Variants in USP47 observed in about 807,000 individuals in gnomAD.
USP47 encodes the protein ubiquitin carboxyl-terminal hydrolase 47.
In USP47, 35 loss-of-function variants were observed where a neutral mutation model predicts 165.1. The observed-to-expected ratio is 0.21, with a 90% CI of 0.16 to 0.28. USP47 has a LOEUF of 0.28. Among genes scored for constraint, USP47 ranks in the 10% least tolerant of loss-of-function variants. The pLI, the probability that USP47 is intolerant of heterozygous loss-of-function variation, is 1.00. For synonymous variants in USP47, 531 were observed against 544.5 expected (o/e 0.98, Z 0.35); for missense variants, 1,277 against 1,607.4 (o/e 0.79, Z 3.52).
At chr11:11,854,169 A>G (rs1848894383) in intron 1 of USP47, among the ~76,000 whole-genome samples, 1 of 145,950 alleles carries the variant, frequency 6.9e-6, no homozygotes, top group Non-Finnish European at 1.5e-5. Flanking sequence ...TCCAACCAGC[A>G]AAGTCCAGCC....
At chr11:11,908,096 CA>C (rs1371434932) in intron 8 of USP47, among the ~76,000 whole-genome samples, 1 of 150,054 alleles carries the variant, frequency 6.7e-6, no homozygotes, top group African/African-American at 2.4e-5. Flanking sequence ...TCAAAAAAAA[CA>C]AAAAAAGATA....
intron 1 of USP47, among the ~76,000 whole-genome samples, chr11:11,844,043 T>A (rs1476135357): frequency 6.6e-6 from 1 of 152,218 alleles, no homozygotes; most frequent in Admixed American, 6.5e-5. Context: ...ACTAGCTTTT[T>A]CTTCTTTGAT....
chr11:11,903,119 G>C (rs1852333046), intron 6 of USP47, 144 bp from the exon 7 acceptor site: 1 of 798,272 alleles, frequency 1.3e-6, no homozygotes, highest in East Asian at 2.8e-5. Flanking sequence ...TTTCATGACT[G>C]TCATGTATAT....
In USP47 at chr11:11,879,342, G is replaced by C. The variant is rs144808967; in HGVS notation, c.40-835G>C. ...GCTGTTTGGTTTCAGCAGCCAGGCA[G>C]ATGATGGTGCCATTCATTGAGATGG... On this transcript the variant is annotated intron_variant, in intron 1 of 27. Transcript: ENST00000527733. 7.5e-3 allele frequency among the ~76,000 whole-genome samples: 1,136 copies of C among 152,212 alleles called. 18 individuals carry two copies. The highest frequency in any genetic ancestry group is 0.026 in the African/African-American group (1,091 of 41,564).
chr11:11,906,663 T>C (rs1852588361), intron 8 of USP47, among the ~76,000 whole-genome samples: 1 of 152,204 alleles, frequency 6.6e-6, no homozygotes, highest in Non-Finnish European at 1.5e-5. Flanking sequence ...CCTGAGTATA[T>C]TTGAAAAGTT....
At chr11:11,891,555 A>G (rs1371354490) in intron 3 of USP47, among the ~76,000 whole-genome samples, 1 of 152,220 alleles carries the variant, frequency 6.6e-6, no homozygotes, top group Non-Finnish European at 1.5e-5. Flanking sequence ...AGAATTCTTC[A>G]GTTCTGTTCT....
intron 4 of USP47, among the ~76,000 whole-genome samples, chr11:11,892,562 C>T (rs1682029094): frequency 6.6e-6 from 1 of 151,156 alleles, no homozygotes; most frequent in South Asian, 2.1e-4. Context: ...ATAATCCCAG[C>T]ACTTTGGGAA....
At chr11:11,853,294 A>G (rs2134150343) in intron 1 of USP47, among the ~76,000 whole-genome samples, 1 of 152,356 alleles carries the variant, frequency 6.6e-6, no homozygotes, top group Admixed American at 6.5e-5. Flanking sequence ...ATTCCTTGGT[A>G]TTAAGGACCT....
chr11:11,920,559 A>G lies in USP47; in HGVS notation c.1218+65A>G, dbSNP rs544053042. The G allele has an allele frequency of 3.4e-6, 5 of 1,467,274 alleles. No homozygotes were observed. The East Asian group carries it at 9.6e-5, about 28-fold the overall frequency. 90.9% of individuals were successfully genotyped at this position (1,467,274 alleles called of 1,614,324 possible). On this transcript the variant is annotated intron_variant, in intron 10 of 27. Transcript: ENST00000527733. ...CATTAGTCAGTCATGGTTTTGAAAG[A>G]GCTGTTTGAGGTAATAACACTGATG... is the stretch of plus-strand genomic sequence containing the variant.
At chr11:11,940,351 G>A (rs1468739679) in intron 18 of USP47, 78 bp from the exon 19 acceptor site, 3 of 1,444,054 alleles carry the variant, frequency 2.1e-6, no homozygotes, top group African/African-American at 2.9e-5. Context: ...ACTCAGCAGT[G>A]TCTTGCTTTC....
intron 1 of USP47, among the ~76,000 whole-genome samples, chr11:11,863,764 A>C (rs1819372788): frequency 6.6e-6 from 1 of 152,130 alleles, no homozygotes; most frequent in Non-Finnish European, 1.5e-5. Context: ...TCATTTATTT[A>C]TTTTAATGTT....
chr11:11,894,882 A>C (rs2134399155), intron 4 of USP47, among the ~76,000 whole-genome samples: 1 of 151,730 alleles, frequency 6.6e-6, no homozygotes, highest in African/African-American at 2.4e-5. Flanking sequence ...CACCACTTCT[A>C]GCAATTTTGC....
chr11:11,922,728 C>G lies in USP47; in HGVS notation c.1223C>G (p.Ser408Cys). 1 of 1,607,192 alleles carries G rather than the reference C, an allele frequency of 6.2e-7. No homozygotes were observed. Among genetic ancestry groups the G allele is most frequent in the Non-Finnish European group, 8.5e-7 (1 of 1,176,006 alleles). The change falls in exon 11 of 28, where the codon TCT becomes TGT. Residue 408 changes from serine (S) to cysteine (C), a missense_variant. Physicochemically the swap from Ser to Cys is moderately radical, Grantham distance 112. Around this residue, in one of 4 missense-constraint regions of USP47, gnomAD observed 175 missense variants for 295.8 expected, o/e 0.59. Coordinates refer to ENST00000527733, the MANE Select transcript of USP47 (RefSeq NM_001282659.2). ...STFIDVEDEK[S>C]PQTESCTDSG... The stretch of plus-strand genomic sequence containing the variant: ...AGATAATTATGTCTTATTAAGAAAT[C>G]TCCTCAGACTGAAAGTTGCACTGAC...
At chr11:11,874,349 CT>C (rs1472353037) in intron 1 of USP47, among the ~76,000 whole-genome samples, 6 of 152,082 alleles carry the variant, frequency 3.9e-5, no homozygotes, top group African/African-American at 1.4e-4. Context: ...AGAGTTGCTC[CT>C]TTAATCTCTC....
intron 5 of USP47, among the ~76,000 whole-genome samples, chr11:11,899,112 G>A (rs535687513): frequency 1.3e-4 from 20 of 152,318 alleles, no homozygotes; most frequent in African/African-American, 4.8e-4. Flanking sequence ...AGCACAGTGT[G>A]TTGCGGGGGG....
Position 11,863,995 on chromosome 11 carries a change from T to C in USP47, c.40-16182T>C, listed in dbSNP as rs149383864. Among the ~76,000 whole-genome samples the C allele has an allele frequency of 9.0e-3, 1,374 of 152,246 alleles. 28 individuals carry two copies. The highest frequency in any genetic ancestry group is 0.032 in the African/African-American group (1,317 of 41,566). Reference sequence around the variant, plus strand: ...TTAGAAATTGAGATCTGGGTTCTAATTGTACTACTATTATGGTGATAGCAT... The same window carrying C: ...TTAGAAATTGAGATCTGGGTTCTAACTGTACTACTATTATGGTGATAGCAT... On this transcript the variant is annotated intron_variant, in intron 1 of 27. Coordinates refer to ENST00000527733, the MANE Select transcript of USP47 (RefSeq NM_001282659.2).
chr11:11,921,232 G>A (rs530596014), intron 10 of USP47, among the ~76,000 whole-genome samples: 12 of 145,920 alleles, frequency 8.2e-5, no homozygotes, highest in Non-Finnish European at 1.2e-4. Flanking sequence ...ACCCTGAAGC[G>A]TTTTTTTTTT....
rs537026251 is a variant in USP47 at position 11,935,029 on chromosome 11, C to G, written c.1869+1094C>G. The stretch of plus-strand genomic sequence containing the variant: ...CAGAGTCACATTCTTATTAAAAATG[C>G]TAATTGCTGCAGATGAATCAGAATT... On this transcript the variant is annotated intron_variant, in intron 16 of 27. Transcript: ENST00000527733. Among the ~76,000 whole-genome samples the G allele has an allele frequency of 4.6e-5, 7 of 152,172 alleles. No individual in the cohort carries two copies. The East Asian group carries it at 1.4e-3, about 29-fold the overall frequency.
At position 11,960,255 on chromosome 11, in the gene USP47, G is replaced by GGGGAAGA. The variant is rs1470572588; in HGVS notation, c.*4081_*4087dup. Among the ~76,000 whole-genome samples, 1 of 152,082 alleles carries GGGGAAGA rather than the reference G, an allele frequency of 6.6e-6. No homozygotes were observed. Among genetic ancestry groups the GGGGAAGA allele is most frequent in the Non-Finnish European group, 1.5e-5 (1 of 68,006 alleles). ...TGGTGGAAGAGGCCAGGAAGAGCGG[G>GGGGAAGA]GGGAAGACATGTGCTAACCACTTCT... On this transcript the variant is annotated 3_prime_UTR_variant, in exon 28 of 28. Coordinates refer to ENST00000527733, the MANE Select transcript of USP47 (RefSeq NM_001282659.2).
Sources: gnomAD v4.1 joint callset for allele counts (sites outside exome capture counted in the v4.1 genomes callset) on GRCh38, gnomAD v4.1.1 for gene constraint, gnomAD v4.1.1 regional missense constraint, MANE v1.5 for transcripts, NCBI Gene and HGNC (gene_info 2026-07-23, HGNC 2026-07-21) for gene names.